The following MOV10L1 variants were observed in gnomAD, a reference collection of about 807,000 sequenced individuals.
MOV10L1 encodes the protein Mov10 like RNA helicase 1, also known as RNA helicase Mov10l1.
Under a neutral mutation model 143.8 loss-of-function variants are expected in MOV10L1, and 110 were observed. That is an observed-to-expected ratio of 0.76 (90% CI 0.66 to 0.90). The LOEUF is 0.90. Ranked by LOEUF, MOV10L1 falls within the 40% of genes least tolerant of loss-of-function variation. The probability of loss-of-function intolerance (pLI) is 0.00; values close to 1 mark genes in which losing one functional copy is unlikely to be tolerated. For synonymous variants in MOV10L1, 593 were observed against 581.1 expected (o/e 1.02, Z -0.29); for missense variants, 1,406 against 1,526.8 (o/e 0.92, Z 1.32).
chr22:50,114,315 T>C (rs2062108396), intron 6 of MOV10L1, 66 bp from the exon 7 acceptor site: 6 of 1,564,714 alleles, frequency 3.8e-6, no homozygotes, highest in Admixed American at 1.8e-5. Context: ...TTTTGTGTTT[T>C]ATGATAACTG....
chr22:50,137,741 A>ATATATATACATATATAAATATACATATTT (rs1569025036), intron 15 of MOV10L1, among the ~76,000 whole-genome samples: 7 of 118,728 alleles, frequency 5.9e-5, no homozygotes, highest in Admixed American at 4.3e-4. Context: ...TATATATTTT[A>ATATATATACATATATAAATATACATATTT]TATATATACA....
intron 9 of MOV10L1, among the ~76,000 whole-genome samples, 164 bp from the exon 10 acceptor site, chr22:50,120,326 GAGCTAAAACGAA>G (rs926935990): frequency 6.6e-6 from 1 of 152,194 alleles, no homozygotes; most frequent in Non-Finnish European, 1.5e-5. Flanking sequence ...AAGGATCCCA[GAGCTAAAACGAA>G]AGCTTCAAAC....
chr22:50,126,675 G>T (rs78064635), intron 12 of MOV10L1, among the ~76,000 whole-genome samples: 3,980 of 152,256 alleles, frequency 0.026, 82 homozygotes, highest in Non-Finnish European at 0.041. Context: ...TCTGCATGGG[G>T]TGGTCTGTGA....
At chr22:50,090,600 G>T in intron 1 of MOV10L1, 1 of 1,504,642 alleles carries the variant, frequency 6.6e-7, no homozygotes, top group Non-Finnish European at 9.1e-7. Flanking sequence ...CCATTTCCTT[G>T]TCTGGTTTTC....
rs1363776596 is a variant in MOV10L1 at position 50,090,141 on chromosome 22, C to A, written c.53C>A (p.Thr18Asn). 6.3e-6 allele frequency: 9 copies of A among 1,422,438 alleles called. No homozygotes were observed. The South Asian group carries it at 1.3e-4, about 20-fold the overall frequency. 88.1% of individuals were successfully genotyped at this position (1,422,438 alleles called of 1,614,324 possible). A position where few individuals can be genotyped will look rare whatever the true frequency, so the allele number is the denominator to read the frequency against. Residue 18 changes from threonine to asparagine, a missense_variant, in exon 1 of 27, where the codon ACC (threonine) becomes AAC (asparagine). Transcript: ENST00000262794. ...LVAFFWRTAD[T>N]PREEAGQLEP... ...GCCTTCTTCTGGAGGACGGCGGACA[C>A]CCCTAGGGAGGAAGCCGGGCAGCTG...
chr22:50,142,144 G>A lies in MOV10L1; in HGVS notation c.2134G>A (p.Asp712Asn), dbSNP rs754293024. ...GTEERRVGDK[D>N]LPVLAPFTAE... ...AGAGGAGAGGCGTGTTGGTGACAAG[G>A]ACCTGCCGGTGCTGGCACCCTTTAC... Residue 712 changes from aspartate to asparagine, a missense_variant, in exon 16 of 27, where the codon GAC becomes AAC. Coordinates refer to ENST00000262794, the MANE Select transcript of MOV10L1 (RefSeq NM_018995.3). 20 of 1,613,428 alleles carry A rather than the reference G, an allele frequency of 1.2e-5. 1 individual carries two copies. In the South Asian group the frequency reaches 2.1e-4, roughly 17 times the overall value.
chr22:50,142,923 G>C, intron 16 of MOV10L1, 120 bp from the exon 17 acceptor site: 1 of 838,568 alleles, frequency 1.2e-6, no homozygotes, highest in Non-Finnish European at 1.9e-6. Flanking sequence ...GCTACTCCCT[G>C]TCTGTGACTC....
chr22:50,161,582 G>A lies in MOV10L1; in HGVS notation c.*133G>A. 1 of 876,872 alleles carries A rather than the reference G, an allele frequency of 1.1e-6. No homozygotes were observed. Among genetic ancestry groups the A allele is most frequent in the Non-Finnish European group, 1.7e-6 (1 of 587,060 alleles). The allele number at this position is 876,872 out of a possible 1,614,324, so 54.3% of individuals were successfully genotyped here. On this transcript the variant is annotated 3_prime_UTR_variant, in exon 27 of 27. Coordinates refer to ENST00000262794, the MANE Select transcript of MOV10L1 (RefSeq NM_018995.3). ...GTCGTGTGTGGGTGTGGGGCTGCCAGGTTGGACGCAGCTGCTGCTGCCCTG... is the reference window on the plus strand; with the variant it reads ...GTCGTGTGTGGGTGTGGGGCTGCCAAGTTGGACGCAGCTGCTGCTGCCCTG...
chr22:50,138,896 G>C (rs772256643), intron 15 of MOV10L1, among the ~76,000 whole-genome samples: 1 of 152,026 alleles, frequency 6.6e-6, no homozygotes, highest in Admixed American at 6.5e-5. Context: ...TAGAGACAAG[G>C]TTTCACCATG....
chr22:50,126,373 T>A (rs1481498676), intron 12 of MOV10L1, 101 bp downstream of exon 12: 2 of 743,706 alleles, frequency 2.7e-6, no homozygotes, highest in Non-Finnish European at 4.4e-6. Flanking sequence ...TGCTCCCATA[T>A]GCATTGGCTA....
chr22:50,108,883 G>A (rs748839823), intron 5 of MOV10L1, 39 bp downstream of exon 5: 7 of 1,596,546 alleles, frequency 4.4e-6, no homozygotes, highest in Non-Finnish European at 6.0e-6. Context: ...GGTGGCTAAC[G>A]CCTGTAATCC....
At chr22:50,157,838 C>G (rs13054483) in intron 22 of MOV10L1, among the ~76,000 whole-genome samples, 19,208 of 151,318 alleles carry the variant, frequency 0.13, 1,479 homozygotes, top group Admixed American at 0.21. Flanking sequence ...TGGCGGACTC[C>G]TGTGACCCGT....
intron 21 of MOV10L1, among the ~76,000 whole-genome samples, chr22:50,151,535 T>A (rs1033342852): frequency 2.0e-5 from 3 of 152,194 alleles, no homozygotes; most frequent in Non-Finnish European, 4.4e-5. Flanking sequence ...GGTGGGGGTC[T>A]TCAGGCCAAG....
At chr22:50,134,163 T>G in intron 14 of MOV10L1, 98 bp downstream of exon 14, 1 of 925,504 alleles carries the variant, frequency 1.1e-6, no homozygotes, top group Non-Finnish European at 1.6e-6. Context: ...AGTCATAATA[T>G]TAGAAGTAAA....
chr22:50,140,495 T>A (rs766094361), intron 15 of MOV10L1, among the ~76,000 whole-genome samples: 4 of 152,200 alleles, frequency 2.6e-5, no homozygotes, highest in Non-Finnish European at 5.9e-5. Context: ...CTAGGCCACG[T>A]TGCAAGAAGA....
chr22:50,090,795 G>A, intron 1 of MOV10L1: 1 of 385,784 alleles, frequency 2.6e-6, no homozygotes, highest in Non-Finnish European at 4.8e-6. Context: ...TCCTGCCTCA[G>A]CCTCCCGAGC....
chr22:50,142,595 A>G (rs866396572), intron 16 of MOV10L1, among the ~76,000 whole-genome samples: 88 of 151,942 alleles, frequency 5.8e-4, no homozygotes, highest in African/African-American at 2.0e-3. Context: ...TTGGGAAGCT[A>G]AGGTGGGCAG....
At position 50,158,148 on chromosome 22, in the gene MOV10L1, G is replaced by C; in HGVS notation, c.3158G>C (p.Ser1053Thr). 6.2e-7 allele frequency: 1 copy of C among 1,614,194 alleles called. No individual in the cohort carries two copies. The highest frequency in any genetic ancestry group is 1.1e-5 in the South Asian group (1 of 91,092). ...CGCTACTGCTGCCTCCTGGCCCACA[G>C]CATCTCCAGTCAGGTGTCTGCCAGC... ...VLRYCCLLAH[S>T]ISSQVSASDI... Residue 1053 changes from serine to threonine, a missense_variant, in exon 23 of 27, where the codon AGC (serine) becomes ACC (threonine). Around this residue, in one of 3 missense-constraint regions of MOV10L1, gnomAD observed 1,233 missense variants for 1,351.4 expected, o/e 0.91. Transcript: ENST00000262794. The surrounding 1 kb of genome is among the most constrained non-coding windows in gnomAD (Gnocchi z 5.0).
At position 50,107,644 on chromosome 22, in the gene MOV10L1, G is replaced by A. The variant is rs138636820; in HGVS notation, c.443-492G>A. Among the ~76,000 whole-genome samples the A allele has an allele frequency of 6.7e-3, 1,013 of 152,316 alleles. 22 individuals carry two copies. The highest frequency in any genetic ancestry group is 0.047 in the Admixed American group (716 of 15,290). On this transcript the variant is annotated intron_variant, in intron 3 of 26. Coordinates refer to ENST00000262794, the MANE Select transcript of MOV10L1 (RefSeq NM_018995.3). ...GAACCTGCAGTTTTCCACCAGCTGC[G>A]GGAGGCCCAGCGGTGTCTTGCGTCC... is the stretch of plus-strand genomic sequence containing the variant.
Sources: allele counts gnomAD v4.1 joint callset (sites outside exome capture counted in the v4.1 genomes callset), GRCh38; gene constraint gnomAD v4.1.1; regional missense constraint gnomAD v4.1.1; non-coding constraint Gnocchi (gnomAD v3.1); transcripts MANE v1.5; gene names NCBI Gene and HGNC (gene_info 2026-07-23, HGNC 2026-07-21).